Variants in DIXDC1 observed in about 807,000 individuals in gnomAD.
DIXDC1 encodes the protein dixin.
A neutral mutation model predicts 103.1 loss-of-function variants in DIXDC1; 64 were observed. The ratio of observed to expected loss-of-function variants is 0.62; its 90% confidence interval spans 0.51 to 0.76. The LOEUF is 0.76. Ranked by LOEUF, DIXDC1 falls within the 30% of genes least tolerant of loss-of-function variation. DIXDC1 has a pLI of 0.00. For synonymous variants in DIXDC1, 266 were observed against 298.5 expected (o/e 0.89, Z 1.12); for missense variants, 759 against 834.2 (o/e 0.91, Z 1.11).
chr11:111,992,121 G>A (rs987673491), intron 10 of DIXDC1, among the ~76,000 whole-genome samples: 4 of 152,054 alleles, frequency 2.6e-5, no homozygotes, highest in Admixed American at 2.6e-4. Flanking sequence ...TTTCTCTCTC[G>A]AATACACCAT....
Position 111,995,465 on chromosome 11 carries a change from C to A in DIXDC1, c.1590C>A (p.His530Gln). 2 of 1,613,892 alleles carry A rather than the reference C, an allele frequency of 1.2e-6. No homozygotes were observed. Among genetic ancestry groups the A allele is most frequent in the Non-Finnish European group, 1.7e-6 (2 of 1,179,902 alleles). The change falls in exon 16 of 20, where the codon CAC becomes CAA. Residue 530 changes from histidine to glutamine, a missense_variant. Physicochemically the swap from His to Gln is conservative, Grantham distance 24 (BLOSUM62 0). This residue lies in a region of DIXDC1 where 657 missense variants were observed against 727.5 expected (regional missense o/e 0.90). Coordinates refer to ENST00000440460, the MANE Select transcript of DIXDC1 (RefSeq NM_001037954.4). ...LRSLRNSFSG[H>Q]DPQHHTIDSL... ...GCCTGCGCAACAGCTTCAGTGGCCA[C>A]GATCCTCAGCACCACACTATTGACA...
At chr11:111,932,937 G>A (rs929475014), upstream of DIXDC1, among the ~76,000 whole-genome samples, 11 of 152,280 alleles carry the variant, frequency 7.2e-5, no homozygotes, top group East Asian at 1.9e-3. Context: ...CTCATAAGAG[G>A]TGCTCAGTAT....
At chr11:112,003,076 C>T (rs587738360) in intron 17 of DIXDC1, among the ~76,000 whole-genome samples, 182 of 152,130 alleles carry the variant, frequency 1.2e-3, no homozygotes, top group African/African-American at 4.1e-3. Context: ...TTGGTGGTAA[C>T]CAGAGGCTGG....
intron 1 of DIXDC1, among the ~76,000 whole-genome samples, chr11:111,927,619 C>T (rs367969225): frequency 3.3e-5 from 5 of 152,124 alleles, no homozygotes; most frequent in African/African-American, 9.7e-5. Context: ...GTTCTCCGTT[C>T]TCCCCAGATA....
At chr11:112,011,927 A>G (rs1861434903) in intron 17 of DIXDC1, among the ~76,000 whole-genome samples, 1 of 152,244 alleles carries the variant, frequency 6.6e-6, no homozygotes, top group African/African-American at 2.4e-5. Flanking sequence ...CGTTGTGCAC[A>G]TGCACCCTAG....
At position 111,977,910 on chromosome 11, in the gene DIXDC1, G is replaced by A. The variant is rs1769225766; in HGVS notation, c.657-2827G>A. 7.3e-7 allele frequency: 1 copy of A among 1,378,010 alleles called. No homozygotes were observed. The highest frequency in any genetic ancestry group is 9.6e-7 in the Non-Finnish European group (1 of 1,039,564). The allele number at this position is 1,378,010 out of a possible 1,614,324, so 85.4% of individuals were successfully genotyped here. On this transcript the variant is annotated intron_variant, in intron 5 of 19. Transcript: ENST00000440460. The surrounding 1 kb of genome is among the most constrained non-coding windows in gnomAD (Gnocchi z 6.1). ...GGTGGTGGGAGCATTATGTTGGGAG[G>A]ACCGGCTGCTGACCAGGGGTTATCA... is the stretch of plus-strand genomic sequence containing the variant.
In DIXDC1 at chr11:112,019,651, A is replaced by G. The variant is rs1555178200; in HGVS notation, c.*615A>G. 6.6e-6 allele frequency: 1 copy of G among 152,560 alleles called. No individual in the cohort carries two copies. Among genetic ancestry groups the G allele is most frequent in the Non-Finnish European group, 1.5e-5 (1 of 68,036 alleles). The allele number at this position is 152,560 out of a possible 1,614,324, so 9.5% of individuals were successfully genotyped here. A position where few individuals can be genotyped will look rare whatever the true frequency, so the allele number is the denominator to read the frequency against. Reference sequence around the variant, plus strand: ...CCATGTTGTGCTACACTATGCTAAAACTGTAATTTAGTAAGACCTTGGGCT... The same window carrying G: ...CCATGTTGTGCTACACTATGCTAAAGCTGTAATTTAGTAAGACCTTGGGCT... On this transcript the variant is annotated 3_prime_UTR_variant, in exon 20 of 20. Coordinates refer to ENST00000440460, the MANE Select transcript of DIXDC1 (RefSeq NM_001037954.4).
At chr11:111,992,541 T>G (rs1555174671) in intron 11 of DIXDC1, 22 bp downstream of exon 11, 2 of 1,544,738 alleles carry the variant, frequency 1.3e-6, no homozygotes, top group South Asian at 2.4e-5. Context: ...GAATGAGCCT[T>G]GACCTCAGTG....
chr11:111,986,726 C>T, intron 8 of DIXDC1, 145 bp from the exon 9 acceptor site: 2 of 561,212 alleles, frequency 3.6e-6, no homozygotes, highest in Non-Finnish European at 3.1e-6. Flanking sequence ...CATATACTTA[C>T]ATCAGAGAGC....
chr11:111,977,600 C>G lies in DIXDC1; in HGVS notation c.656+2617C>G. ...CCGAGACGCCGCCGCCGCCGCCGTT[C>G]CCGCTTTCTCCCGCGAGCCGGGCCA... On this transcript the variant is annotated intron_variant, in intron 5 of 19. Coordinates refer to ENST00000440460, the MANE Select transcript of DIXDC1 (RefSeq NM_001037954.4). This position sits in a 1 kb window ranked among gnomAD's most constrained non-coding sequence, Gnocchi z 6.1. 6.6e-7 allele frequency: 1 copy of G among 1,515,518 alleles called. No individual in the cohort carries two copies. Among genetic ancestry groups the G allele is most frequent in the Non-Finnish European group, 8.8e-7 (1 of 1,131,340 alleles). The allele number at this position is 1,515,518 out of a possible 1,614,324, so 93.9% of individuals were successfully genotyped here.
upstream of DIXDC1, among the ~76,000 whole-genome samples, chr11:111,932,421 A>C (rs1167908513): frequency 1.3e-5 from 2 of 151,884 alleles, no homozygotes; most frequent in Non-Finnish European, 2.9e-5. Flanking sequence ...ATAGGTTAAA[A>C]AAATCATGTA....
At chr11:111,959,641 A>AG (rs1555170887) in intron 1 of DIXDC1, among the ~76,000 whole-genome samples, 1 of 152,246 alleles carries the variant, frequency 6.6e-6, no homozygotes, top group Non-Finnish European at 1.5e-5. Context: ...ACCACTGGCC[A>AG]GGTTTCCAGC....
Position 111,993,602 on chromosome 11 carries a change from C to T in DIXDC1, c.1365+14C>T, listed in dbSNP as rs782511050. On this transcript the variant is annotated intron_variant, in intron 13 of 19. Coordinates refer to ENST00000440460, the MANE Select transcript of DIXDC1 (RefSeq NM_001037954.4). ...AGTTACCACCAGGTCAGAACATATT[C>T]AGCCACTGACTTCCCTGCCTCTTTG... The T allele has an allele frequency of 6.2e-7, 1 of 1,614,008 alleles. No individual in the cohort carries two copies. The highest frequency in any genetic ancestry group is 2.2e-5 in the East Asian group (1 of 44,890).
rs191091592 is a variant in DIXDC1, at chr11:111,957,867, C to T, written c.61-6682C>T. ...ATTTTGTCACTGTTAGTGATGGCAG[C>T]GGCAGTCCATCTGGAGCAGCTGTTG... On this transcript the variant is annotated intron_variant, in intron 1 of 19. Coordinates refer to ENST00000440460, the MANE Select transcript of DIXDC1 (RefSeq NM_001037954.4). Among the ~76,000 whole-genome samples the T allele has an allele frequency of 2.8e-3, 431 of 152,330 alleles. 3 individuals are homozygous for T. Among genetic ancestry groups the T allele is most frequent in the Non-Finnish European group, 5.2e-3 (354 of 68,012 alleles).
intron 2 of DIXDC1, among the ~76,000 whole-genome samples, chr11:111,930,542 C>T (rs1159638728): frequency 1.3e-5 from 2 of 152,170 alleles, no homozygotes; most frequent in African/African-American, 2.4e-5. Context: ...TGCTTTGTTT[C>T]ACTTAACGTT....
At chr11:112,014,038 C>T (rs587728205) in intron 17 of DIXDC1, among the ~76,000 whole-genome samples, 1 of 152,266 alleles carries the variant, frequency 6.6e-6, no homozygotes, top group Non-Finnish European at 1.5e-5. Context: ...ACTCACTCCT[C>T]CTCCCCAAGG....
At chr11:111,932,586 C>CAA (rs1279927247), upstream of DIXDC1, among the ~76,000 whole-genome samples, 2 of 65,590 alleles carry the variant, frequency 3.0e-5, no homozygotes, top group Admixed American at 1.9e-4. Context: ...GACTCCGTCT[C>CAA]AAAAAAAAAA....
chr11:111,945,755 A>G (rs1490823415), intron 1 of DIXDC1: 1 of 133,858 alleles, frequency 7.5e-6, no homozygotes, highest in Non-Finnish European at 1.6e-5. Flanking sequence ...ACATAGAACA[A>G]CCACAGGCCT....
chr11:112,020,073 T>C lies in DIXDC1; in HGVS notation c.*1037T>C, dbSNP rs980349375. 6.6e-6 allele frequency: 1 copy of C among 152,162 alleles called. No homozygotes were observed. 9.4% of individuals were successfully genotyped at this position (152,162 alleles called of 1,614,324 possible). A position where few individuals can be genotyped will look rare whatever the true frequency, so the allele number is the denominator to read the frequency against. On this transcript the variant is annotated 3_prime_UTR_variant, in exon 20 of 20. Coordinates refer to ENST00000440460, the MANE Select transcript of DIXDC1 (RefSeq NM_001037954.4). Reference sequence around the variant, plus strand: ...TCTAGGCTGATCTTTTAGGGCACAATAGAAACCATGGGGCGTGGAGCATGA... The same window carrying C: ...TCTAGGCTGATCTTTTAGGGCACAACAGAAACCATGGGGCGTGGAGCATGA...
Sources: gnomAD v4.1 joint callset for allele counts (sites outside exome capture counted in the v4.1 genomes callset) on GRCh38, gnomAD v4.1.1 for gene constraint, gnomAD v4.1.1 regional missense constraint, Gnocchi (gnomAD v3.1) non-coding constraint, MANE v1.5 for transcripts, NCBI Gene and HGNC (gene_info 2026-07-23, HGNC 2026-07-21) for gene names.